The following KAT6B variants were observed in gnomAD, a reference collection of about 807,000 sequenced individuals.
KAT6B encodes the protein histone acetyltransferase KAT6B.
KAT6B carries 10 observed loss-of-function variants against 187.5 expected under a neutral mutation model. The ratio of observed to expected loss-of-function variants is 0.05; its 90% CI spans 0.03 to 0.09. The LOEUF (loss-of-function observed/expected upper bound fraction) is 0.09. KAT6B is among the 10% of genes least tolerant of loss of function. The probability of loss-of-function intolerance (pLI) is 1.00; values close to 1 mark genes in which losing one functional copy is unlikely to be tolerated. For missense variants in KAT6B, 1,952 were observed against 2,558.9 expected (o/e 0.76, Z 5.12); for synonymous variants, 861 against 926.8 (o/e 0.93, Z 1.29).
chr10:74,891,760 T>C (rs534366136), intron 3 of KAT6B, among the ~76,000 whole-genome samples: 1 of 152,380 alleles, frequency 6.6e-6, no homozygotes, highest in East Asian at 1.9e-4. Context: ...AAATTATTTT[T>C]TAGTTGGAAC....
At chr10:74,887,388 C>T (rs1370783354) in intron 3 of KAT6B, among the ~76,000 whole-genome samples, 10 of 152,110 alleles carry the variant, frequency 6.6e-5, no homozygotes, top group South Asian at 4.1e-4. Flanking sequence ...AGTGTAGTGG[C>T]GCAATCTTGG....
chr10:74,982,087 T>A lies in KAT6B; in HGVS notation c.2373+159T>A. On this transcript the variant is annotated intron_variant, in intron 11 of 17. Coordinates refer to ENST00000287239, the MANE Select transcript of KAT6B (RefSeq NM_012330.4). ...ACATCTCCATGTTTTGGAATGTTTA[T>A]CTAACCATATTAAGCAACCATTTAG... 3 of 655,674 alleles carry A rather than the reference T, an allele frequency of 4.6e-6. No individual in the cohort carries two copies. In the South Asian group the frequency reaches 5.4e-5, roughly 12 times the overall value. 40.6% of individuals were successfully genotyped at this position (655,674 alleles called of 1,614,324 possible).
intron 3 of KAT6B, among the ~76,000 whole-genome samples, chr10:74,879,790 C>T (rs1165026805): frequency 2.7e-5 from 4 of 149,666 alleles, no homozygotes; most frequent in Non-Finnish European, 4.4e-5. Context: ...TGTTTAGATA[C>T]GTTATTGTCT....
intron 3 of KAT6B, among the ~76,000 whole-genome samples, chr10:74,850,503 A>G (rs771090184): frequency 3.9e-5 from 6 of 152,220 alleles, no homozygotes; most frequent in Non-Finnish European, 7.3e-5. Flanking sequence ...ATCTTCTGAT[A>G]GTCTGGAATT....
At chr10:74,855,536 A>C (rs1842761187) in intron 3 of KAT6B, among the ~76,000 whole-genome samples, 1 of 152,226 alleles carries the variant, frequency 6.6e-6, no homozygotes, top group South Asian at 2.1e-4. Context: ...TCTGTCTTAT[A>C]ACAAAACCCA....
chr10:74,958,938 C>T (rs767849553), intron 3 of KAT6B, among the ~76,000 whole-genome samples: 2 of 151,082 alleles, frequency 1.3e-5, no homozygotes, highest in African/African-American at 2.4e-5. Flanking sequence ...CTCAGGAGGC[C>T]GAGGCAAGAG....
chr10:75,004,055 GTT>G (rs545654039), intron 13 of KAT6B, among the ~76,000 whole-genome samples: 2 of 142,564 alleles, frequency 1.4e-5, no homozygotes. Flanking sequence ...CAGGTGGTTG[GTT>G]TTTTTTTTTT....
intron 16 of KAT6B, 126 bp downstream of exon 16, chr10:75,022,357 C>T (rs748258107): frequency 4.5e-5 from 46 of 1,025,494 alleles, no homozygotes; most frequent in Non-Finnish European, 6.5e-5. Context: ...TGTACCCAGT[C>T]CCGCTGATCA....
At chr10:74,825,080 T>G (rs1475062793), upstream of KAT6B, among the ~76,000 whole-genome samples, 1 of 152,190 alleles carries the variant, frequency 6.6e-6, no homozygotes, top group Non-Finnish European at 1.5e-5. The surrounding 1 kb of genome is among the most constrained non-coding windows in gnomAD (Gnocchi z 5.0). Flanking sequence ...TGAATGTCAC[T>G]GCTCCCTCTT....
chr10:74,893,479 T>TG (rs1309543426), intron 3 of KAT6B, among the ~76,000 whole-genome samples: 5 of 152,146 alleles, frequency 3.3e-5, no homozygotes, highest in African/African-American at 1.2e-4. Flanking sequence ...GTTTTTTGTT[T>TG]TTTTTTAAAG....
At chr10:74,862,747 T>C (rs1843270764) in intron 3 of KAT6B, among the ~76,000 whole-genome samples, 1 of 152,094 alleles carries the variant, frequency 6.6e-6, no homozygotes, top group Non-Finnish European at 1.5e-5. Context: ...AGCTGACTAA[T>C]AGGGATGATA....
intron 4 of KAT6B, among the ~76,000 whole-genome samples, chr10:74,968,700 A>G (rs1395098853): frequency 6.6e-6 from 1 of 152,200 alleles, no homozygotes; most frequent in African/African-American, 2.4e-5. Flanking sequence ...CTATTTAAAG[A>G]CCAGGTTTAA....
chr10:74,841,881 A>G (rs957651399), intron 2 of KAT6B, among the ~76,000 whole-genome samples: 5 of 152,186 alleles, frequency 3.3e-5, no homozygotes, highest in Admixed American at 1.3e-4. Flanking sequence ...TTTTGTATAT[A>G]CCAAGCATCT....
chr10:74,945,548 C>T (rs933581676), intron 3 of KAT6B, among the ~76,000 whole-genome samples: 16 of 152,122 alleles, frequency 1.1e-4, no homozygotes, highest in Non-Finnish European at 2.1e-4. Flanking sequence ...CTGCAACCTC[C>T]GCCTCCTGGG....
intron 3 of KAT6B, among the ~76,000 whole-genome samples, chr10:74,944,973 TATAAA>T (rs1341533712): frequency 6.6e-6 from 1 of 152,162 alleles, no homozygotes; most frequent in African/African-American, 2.4e-5. Flanking sequence ...GCCTGTTTCT[TATAAA>T]ATAAACCTAC....
At chr10:74,886,508 A>G (rs1422769513) in intron 3 of KAT6B, among the ~76,000 whole-genome samples, 2 of 152,180 alleles carry the variant, frequency 1.3e-5, no homozygotes, top group African/African-American at 4.8e-5. Flanking sequence ...ATGAGTAGAT[A>G]AGCCAGAGTA....
At chr10:74,895,054 A>G in intron 3 of KAT6B, among the ~76,000 whole-genome samples, 1 of 137,868 alleles carries the variant, frequency 7.3e-6, no homozygotes. Context: ...TATCCTTATC[A>G]ACACTTGGTT....
chr10:74,968,279 C>T lies in KAT6B; in HGVS notation c.731-1381C>T, dbSNP rs148990825. Among the ~76,000 whole-genome samples, 1,008 of 152,276 alleles carry T rather than the reference C, an allele frequency of 6.6e-3. 6 individuals carry two copies. The highest frequency in any genetic ancestry group is 0.017 in the Middle Eastern group (5 of 294). ...GAATGAGAGAAGCCTCATAAAAGAACAGTGTCACAGGTTAAATGCATCTGC... is the reference window on the plus strand; with the variant it reads ...GAATGAGAGAAGCCTCATAAAAGAATAGTGTCACAGGTTAAATGCATCTGC... On this transcript the variant is annotated intron_variant, in intron 4 of 17. Coordinates refer to ENST00000287239, the MANE Select transcript of KAT6B (RefSeq NM_012330.4).
Position 74,939,050 on chromosome 10 carries a change from A to AACACACACACACAC in KAT6B, c.622-20905_622-20892dup, listed in dbSNP as rs112617639. Among the ~76,000 whole-genome samples the AACACACACACACAC allele has an allele frequency of 3.9e-3, 572 of 145,762 alleles. 8 individuals are homozygous for AACACACACACACAC. Among genetic ancestry groups the AACACACACACACAC allele is most frequent in the African/African-American group, 0.012 (476 of 39,886 alleles). On this transcript the variant is annotated intron_variant, in intron 3 of 17. Coordinates refer to ENST00000287239, the MANE Select transcript of KAT6B (RefSeq NM_012330.4). Reference sequence around the variant, plus strand: ...CCGTGCCCAGCCCCTTTATTTTCTTAACACACACACACACACACACACACA... The same window carrying AACACACACACACAC: ...CCGTGCCCAGCCCCTTTATTTTCTTAACACACACACACACACACACACACACACACACACACACA...
Sources: allele counts gnomAD v4.1 joint callset (sites outside exome capture counted in the v4.1 genomes callset), GRCh38; gene constraint gnomAD v4.1.1; non-coding constraint Gnocchi (gnomAD v3.1); transcripts MANE v1.5; gene names NCBI Gene and HGNC (gene_info 2026-07-23, HGNC 2026-07-21).